Variants in ABLIM1 observed in about 807,000 individuals in gnomAD.
ABLIM1 encodes actin binding LIM protein 1, also known as actin-binding LIM protein 1.
In ABLIM1, 40 loss-of-function variants were observed where a neutral mutation model predicts 107.0. That is an observed-to-expected ratio of 0.37 (90% CI 0.29 to 0.49). ABLIM1 has a LOEUF of 0.49. ABLIM1 is among the 20% of genes least tolerant of loss of function. The pLI, the probability that ABLIM1 is intolerant of heterozygous loss-of-function variation, is 0.97. For missense variants in ABLIM1, 857 were observed against 1,008.5 expected (o/e 0.85, Z 2.04); for synonymous variants, 357 against 357.3 (o/e 1.00, Z 0.01).
chr10:114,441,087 G>A lies in ABLIM1; in HGVS notation c.1999-10C>T. ...AGTCGGTAGAAACAGGCTGAAATGA[G>A]GAAAAACAATTATTAGGAAATCTCC... On this transcript the variant is annotated splice_polypyrimidine_tract_variant and intron_variant, in intron 18 of 22. Coordinates refer to ENST00000533213, the MANE Select transcript of ABLIM1 (RefSeq NM_002313.7). 6.4e-7 allele frequency: 1 copy of A among 1,572,550 alleles called. No individual in the cohort carries two copies. Among genetic ancestry groups the A allele is most frequent in the Middle Eastern group, 1.7e-4 (1 of 6,010 alleles).
rs139373005 is a variant in ABLIM1, at chr10:114,598,783, T to G, written c.379+3044A>C. Among the ~76,000 whole-genome samples the G allele has an allele frequency of 2.7e-3, 417 of 152,348 alleles. 3 individuals are homozygous for G. The highest frequency in any genetic ancestry group is 3.8e-3 in the Non-Finnish European group (256 of 68,024). On this transcript the variant is annotated intron_variant, in intron 2 of 22. Coordinates refer to ENST00000533213, the MANE Select transcript of ABLIM1 (RefSeq NM_002313.7). Reference sequence around the variant, plus strand: ...TGAAAATTAACTACACCTTTCCCTTTTAACCTTTTCAATATGGCTATCAGA... The same window carrying G: ...TGAAAATTAACTACACCTTTCCCTTGTAACCTTTTCAATATGGCTATCAGA...
At chr10:114,555,575 T>G (rs985252230) in intron 4 of ABLIM1, among the ~76,000 whole-genome samples, 2 of 152,078 alleles carry the variant, frequency 1.3e-5, no homozygotes, top group Non-Finnish European at 2.9e-5. Flanking sequence ...CCTTCAAAGG[T>G]AAAGACTACG....
chr10:114,583,824 G>C (rs976594957), intron 2 of ABLIM1, among the ~76,000 whole-genome samples: 2 of 152,030 alleles, frequency 1.3e-5, no homozygotes, highest in African/African-American at 4.8e-5. Flanking sequence ...GTAGCAACAT[G>C]GATGTAGCTG....
intron 2 of ABLIM1, among the ~76,000 whole-genome samples, chr10:114,588,240 G>A (rs2074407454): frequency 6.6e-6 from 1 of 152,030 alleles, no homozygotes; most frequent in South Asian, 2.1e-4. Context: ...GAATCACAGG[G>A]CACACCTGGG....
chr10:114,480,531 C>T (rs2057183410), intron 8 of ABLIM1, among the ~76,000 whole-genome samples: 1 of 152,178 alleles, frequency 6.6e-6, no homozygotes, highest in South Asian at 2.1e-4. Context: ...CCTTTTGATG[C>T]TATCTTTGGC....
chr10:114,564,904 C>G (rs916761907), intron 4 of ABLIM1, among the ~76,000 whole-genome samples: 2 of 152,138 alleles, frequency 1.3e-5, no homozygotes, highest in Non-Finnish European at 2.9e-5. Flanking sequence ...GAATAATGGC[C>G]AACACATATG....
chr10:114,780,469 T>C, the ABLIM1 span, among the ~76,000 whole-genome samples: 1 of 152,238 alleles, frequency 6.6e-6, no homozygotes, highest in Non-Finnish European at 1.5e-5. Context: ...ATTAGTCATT[T>C]TGAAGTTGCT....
chr10:114,612,992 G>A (rs1591586877), intron 1 of ABLIM1, among the ~76,000 whole-genome samples: 1 of 152,118 alleles, frequency 6.6e-6, no homozygotes, highest in Admixed American at 6.5e-5. Context: ...ATTGATTGAG[G>A]TGTCTCTTTG....
the ABLIM1 span, among the ~76,000 whole-genome samples, chr10:114,788,750 CA>C: frequency 6.7e-6 from 1 of 148,524 alleles, no homozygotes; most frequent in Non-Finnish European, 1.5e-5. Context: ...AACAAACAAA[CA>C]AAACAAAACA....
At position 114,703,154 on chromosome 10, in the gene ABLIM1, C is replaced by G. The variant is rs75973332; in HGVS notation, c.-213+64907G>C. Among the ~76,000 whole-genome samples the G allele has an allele frequency of 1.8e-3, 273 of 152,268 alleles. 6 individuals are homozygous for G. Among genetic ancestry groups the G allele is most frequent in the Non-Finnish European group, 2.4e-3 (166 of 68,016 alleles). ...TTGTAAAATACTCTGAGTTTTACAG[C>G]CTTAGACATAAATAAACAAAATGAA... is the stretch of plus-strand genomic sequence containing the variant. On this transcript the variant is annotated intron_variant, in intron 1 of 15. Coordinates refer to the ABLIM1 transcript ENST00000651092.
Position 114,440,188 on chromosome 10 carries a change from G to T in ABLIM1, c.2060-99C>A, listed in dbSNP as rs529433758. On this transcript the variant is annotated intron_variant, in intron 19 of 22. Transcript: ENST00000533213. ...TTATATTGAAATTCCCAACATATTC[G>T]CCCTATAAACCATGTTCTTTTTCTG... 4.8e-6 allele frequency: 6 copies of T among 1,255,730 alleles called. No individual in the cohort carries two copies. The Admixed American group carries it at 8.8e-5, about 18-fold the overall frequency. The allele number at this position is 1,255,730 out of a possible 1,614,324, so 77.8% of individuals were successfully genotyped here.
intron 1 of ABLIM1, among the ~76,000 whole-genome samples, chr10:114,747,213 T>A (rs1038105049): frequency 1.4e-4 from 22 of 152,210 alleles, no homozygotes; most frequent in Non-Finnish European, 2.6e-4. Context: ...CAGTCTAGCT[T>A]GACTTAAGCA....
intron 4 of ABLIM1, among the ~76,000 whole-genome samples, chr10:114,566,136 T>C (rs184758876): frequency 3.9e-5 from 6 of 152,304 alleles, no homozygotes; most frequent in African/African-American, 1.2e-4. Context: ...TTTGTCTTGA[T>C]ACCTGTAGGA....
chr10:114,584,845 T>C (rs1381144972), intron 2 of ABLIM1, among the ~76,000 whole-genome samples: 7 of 152,154 alleles, frequency 4.6e-5, no homozygotes, highest in Admixed American at 4.6e-4. Flanking sequence ...AGAGCCCTGA[T>C]TGGAAAGAAA....
chr10:114,681,739 G>A (rs546388451), intron 1 of ABLIM1, among the ~76,000 whole-genome samples: 3 of 152,328 alleles, frequency 2.0e-5, no homozygotes, highest in African/African-American at 7.2e-5. Context: ...GTGGTCACAA[G>A]CCTGGGGAGC....
At chr10:114,611,049 A>G in intron 1 of ABLIM1, among the ~76,000 whole-genome samples, 1 of 151,824 alleles carries the variant, frequency 6.6e-6, no homozygotes, top group East Asian at 1.9e-4. Context: ...GCTACTCAGG[A>G]GGCTGGGGCA....
intron 6 of ABLIM1, among the ~76,000 whole-genome samples, chr10:114,515,094 C>A (rs2062600138): frequency 6.6e-6 from 1 of 152,182 alleles, no homozygotes; most frequent in Admixed American, 6.5e-5. Context: ...CATAAAATCA[C>A]ATTAAAGGTA....
At chr10:114,553,152 G>A (rs753752553) in intron 4 of ABLIM1, among the ~76,000 whole-genome samples, 4 of 152,154 alleles carry the variant, frequency 2.6e-5, no homozygotes, top group African/African-American at 9.7e-5. Context: ...CTGTGAAGAC[G>A]CCTCTCTGGA....
intron 6 of ABLIM1, among the ~76,000 whole-genome samples, chr10:114,517,623 C>T (rs1476198371): frequency 2.0e-5 from 3 of 152,088 alleles, no homozygotes; most frequent in Non-Finnish European, 4.4e-5. Flanking sequence ...GGGAGGGGGG[C>T]CACAGTACAA....
Sources: gnomAD v4.1 joint callset for allele counts (sites outside exome capture counted in the v4.1 genomes callset) on GRCh38, gnomAD v4.1.1 for gene constraint, MANE v1.5 for transcripts, NCBI Gene and HGNC (gene_info 2026-07-23, HGNC 2026-07-21) for gene names.